SGCZ: variants seen among roughly 807,000 people sequenced by gnomAD.
The protein encoded by SGCZ is sarcoglycan zeta, also known as zeta-sarcoglycan.
A neutral mutation model predicts 41.3 loss-of-function variants in SGCZ; 40 were observed. The observed-to-expected ratio is 0.97, with a 90% CI of 0.75 to 1.26. SGCZ has a LOEUF of 1.26. Among genes scored for constraint, SGCZ ranks in the 50% most tolerant of loss-of-function variants. The pLI is 0.00. For synonymous variants in SGCZ, 206 were observed against 137.5 expected (o/e 1.50, Z -3.49); for missense variants, 552 against 369.8 (o/e 1.49, Z -4.04).
At chr8:14,946,492 T>G (rs1465814965) in intron 1 of SGCZ, among the ~76,000 whole-genome samples, 2 of 151,968 alleles carry the variant, frequency 1.3e-5, no homozygotes, top group Non-Finnish European at 2.9e-5. Context: ...TTTCCACCTG[T>G]GTAATTGAGT....
chr8:14,354,112 A>G (rs1268119545), intron 2 of SGCZ, among the ~76,000 whole-genome samples: 5 of 152,156 alleles, frequency 3.3e-5, no homozygotes, highest in Non-Finnish European at 5.9e-5. Flanking sequence ...AGTGTTCTAC[A>G]TCTGCTTATA....
chr8:14,590,746 T>C (rs1413601548), intron 1 of SGCZ, among the ~76,000 whole-genome samples: 1 of 148,162 alleles, frequency 6.7e-6, no homozygotes, highest in Non-Finnish European at 1.5e-5. Flanking sequence ...CATTATACTA[T>C]ATACTGTCAT....
At chr8:14,816,644 G>T (rs911466652) in intron 1 of SGCZ, among the ~76,000 whole-genome samples, 1 of 147,024 alleles carries the variant, frequency 6.8e-6, no homozygotes, top group African/African-American at 2.6e-5. Context: ...TGGACTCTGA[G>T]GTGAATATAA....
intron 2 of SGCZ, among the ~76,000 whole-genome samples, chr8:14,490,455 C>G (rs1801811280): frequency 6.6e-6 from 1 of 152,058 alleles, no homozygotes; most frequent in African/African-American, 2.4e-5. Context: ...ATAAGTGTTT[C>G]AAAGCATTCA....
intron 5 of SGCZ, among the ~76,000 whole-genome samples, chr8:14,140,356 A>G (rs1477349277): frequency 1.3e-5 from 2 of 152,166 alleles, no homozygotes; most frequent in Non-Finnish European, 2.9e-5. Flanking sequence ...AGGGTATTCA[A>G]TTAGGAAAAG....
At chr8:14,327,339 T>C (rs1338475513) in intron 2 of SGCZ, among the ~76,000 whole-genome samples, 1 of 152,278 alleles carries the variant, frequency 6.6e-6, no homozygotes, top group South Asian at 2.1e-4. Flanking sequence ...ACCTATAACA[T>C]GACATGGGGC....
At chr8:14,977,169 G>C (rs78362360) in intron 1 of SGCZ, among the ~76,000 whole-genome samples, 1 of 152,256 alleles carries the variant, frequency 6.6e-6, no homozygotes, top group African/African-American at 2.4e-5. Context: ...AGGAAAGAGT[G>C]TTCTGTTAGA....
At chr8:14,660,418 T>C (rs2117481010) in intron 1 of SGCZ, among the ~76,000 whole-genome samples, 1 of 150,786 alleles carries the variant, frequency 6.6e-6, no homozygotes, top group East Asian at 2.0e-4. Context: ...CTAAAAATAC[T>C]CAAATTAGCC....
intron 1 of SGCZ, among the ~76,000 whole-genome samples, chr8:14,974,106 T>C (rs1801385909): frequency 1.3e-5 from 2 of 152,240 alleles, no homozygotes; most frequent in South Asian, 4.1e-4. Flanking sequence ...TTGTTGACAC[T>C]GTGCAAAATC....
At chr8:14,853,468 T>C (rs1156629471) in intron 1 of SGCZ, 1 of 532,876 alleles carries the variant, frequency 1.9e-6, no homozygotes, top group Non-Finnish European at 3.8e-6. Context: ...CTGTGGCTGA[T>C]TAATATCCAC....
chr8:14,413,816 G>C (rs1389410133), intron 2 of SGCZ, among the ~76,000 whole-genome samples: 2 of 151,824 alleles, frequency 1.3e-5, no homozygotes, highest in Non-Finnish European at 2.9e-5. Flanking sequence ...TACATATATG[G>C]TTTAGATAGA....
At chr8:14,711,008 C>T (rs531889134) in intron 1 of SGCZ, among the ~76,000 whole-genome samples, 35 of 152,126 alleles carry the variant, frequency 2.3e-4, no homozygotes, top group African/African-American at 7.7e-4. Context: ...TTTCATAGGA[C>T]GTATGACATA....
At chr8:15,038,729 C>T (rs541992235) in intron 1 of SGCZ, among the ~76,000 whole-genome samples, 11 of 145,234 alleles carry the variant, frequency 7.6e-5, no homozygotes, top group African/African-American at 2.1e-4. Flanking sequence ...AGTTAATATC[C>T]GAAATACATA....
intron 2 of SGCZ, among the ~76,000 whole-genome samples, chr8:14,381,527 T>C (rs1412363091): frequency 6.6e-6 from 1 of 151,614 alleles, no homozygotes; most frequent in Non-Finnish European, 1.5e-5. Flanking sequence ...ATAATCCCAG[T>C]ATGGTGGGAA....
At chr8:15,036,937 T>C (rs1430920531) in intron 1 of SGCZ, among the ~76,000 whole-genome samples, 1 of 152,140 alleles carries the variant, frequency 6.6e-6, no homozygotes, top group Non-Finnish European at 1.5e-5. Flanking sequence ...AATGGAATAA[T>C]ATACGAAAAT....
At chr8:14,407,914 C>T (rs1177469826) in intron 2 of SGCZ, among the ~76,000 whole-genome samples, 1 of 152,124 alleles carries the variant, frequency 6.6e-6, no homozygotes, top group South Asian at 2.1e-4. Context: ...TCTTGAGTCT[C>T]ACGTTTTTGC....
At chr8:14,830,011 A>G (rs1238143543) in intron 1 of SGCZ, among the ~76,000 whole-genome samples, 1 of 151,876 alleles carries the variant, frequency 6.6e-6, no homozygotes, top group Non-Finnish European at 1.5e-5. Context: ...CGGGGTTTTC[A>G]CCGTGTTAGC....
chr8:14,798,393 A>G (rs983257043), intron 1 of SGCZ, among the ~76,000 whole-genome samples: 11 of 152,208 alleles, frequency 7.2e-5, no homozygotes, highest in African/African-American at 2.7e-4. Context: ...TGTTACTTAC[A>G]GGCTTTAATT....
chr8:15,216,223 C>CTTTT (rs34383864), intron 1 of SGCZ, among the ~76,000 whole-genome samples: 7 of 125,926 alleles, frequency 5.6e-5, no homozygotes, highest in Non-Finnish European at 9.5e-5. Flanking sequence ...CTTTTTTTTT[C>CTTTT]TTTTTTTTTT....
Sources: allele counts gnomAD v4.1 joint callset (sites outside exome capture counted in the v4.1 genomes callset), GRCh38; gene constraint gnomAD v4.1.1; transcripts MANE v1.5; gene names NCBI Gene and HGNC (gene_info 2026-07-23, HGNC 2026-07-21).